The following CALN1 variants were observed in gnomAD, a reference collection of about 807,000 sequenced individuals.
CALN1 encodes calneuron 1.
A neutral mutation model predicts 30.6 loss-of-function variants in CALN1; 17 were observed. The ratio of observed to expected loss-of-function variants is 0.56; its 90% confidence interval spans 0.38 to 0.83. CALN1 has a LOEUF of 0.83. CALN1 is among the 40% of genes least tolerant of loss of function. The pLI is 0.00. For synonymous variants in CALN1, 156 were observed against 131.4 expected, an observed-to-expected ratio of 1.19 and a Z score of -1.28; for missense variants, 291 against 354.9, an observed-to-expected ratio of 0.82 and a Z score of 1.45.
chr7:72,388,371 A>G (rs915178130), intron 2 of CALN1, among the ~76,000 whole-genome samples: 2 of 152,010 alleles, frequency 1.3e-5, no homozygotes, highest in Non-Finnish European at 2.9e-5. Flanking sequence ...GAAAAATGCA[A>G]AAAAAACAAA....
the CALN1 span, among the ~76,000 whole-genome samples, chr7:72,495,451 C>A: frequency 2.6e-5 from 4 of 152,198 alleles, no homozygotes; most frequent in Non-Finnish European, 5.9e-5. Flanking sequence ...TGCACCCAAC[C>A]CACTGTGCTA....
intron 5 of CALN1, among the ~76,000 whole-genome samples, chr7:71,885,467 T>C (rs914157366): frequency 7.9e-5 from 12 of 152,222 alleles, no homozygotes; most frequent in Non-Finnish European, 1.5e-4. Flanking sequence ...TGTTATTTCT[T>C]AAATGTATTT....
chr7:72,222,485 G>A (rs543885410), intron 3 of CALN1, among the ~76,000 whole-genome samples: 31 of 152,310 alleles, frequency 2.0e-4, no homozygotes, highest in Admixed American at 2.6e-4. Flanking sequence ...CATAAGGACA[G>A]TACCAAGGAG....
At chr7:72,110,223 G>A (rs1297320865) in intron 3 of CALN1, among the ~76,000 whole-genome samples, 5 of 152,120 alleles carry the variant, frequency 3.3e-5, no homozygotes, top group East Asian at 1.9e-4. Flanking sequence ...TACATTGGGC[G>A]ACACCCCAGC....
At chr7:72,065,003 A>G (rs1355292867) in intron 4 of CALN1, among the ~76,000 whole-genome samples, 4 of 151,404 alleles carry the variant, frequency 2.6e-5, no homozygotes, top group South Asian at 2.1e-4. Context: ...GGCTATTTGT[A>G]AAATATATTA....
At chr7:72,457,120 T>C in the CALN1 span, among the ~76,000 whole-genome samples, 1 of 151,818 alleles carries the variant, frequency 6.6e-6, no homozygotes, top group African/African-American at 2.4e-5. Context: ...GCGATTCTCT[T>C]GTCTCAGCCT....
chr7:72,206,821 A>G (rs956599349), intron 3 of CALN1, among the ~76,000 whole-genome samples: 3 of 152,266 alleles, frequency 2.0e-5, no homozygotes, highest in African/African-American at 7.2e-5. Flanking sequence ...TTCAGCCTTT[A>G]ATAAGAATGG....
At chr7:71,970,363 T>C (rs1413225810) in intron 5 of CALN1, among the ~76,000 whole-genome samples, 2 of 152,228 alleles carry the variant, frequency 1.3e-5, no homozygotes, top group African/African-American at 2.4e-5. Context: ...CCTTCTGATA[T>C]GAAACTAACT....
At chr7:72,389,203 T>G (rs10950307) in intron 2 of CALN1, among the ~76,000 whole-genome samples, 2 of 151,956 alleles carry the variant, frequency 1.3e-5, no homozygotes, top group Non-Finnish European at 1.5e-5. Flanking sequence ...GGTATTCACA[T>G]CAAACACCCC....
chr7:72,368,164 TA>T (rs1803988190), intron 2 of CALN1, among the ~76,000 whole-genome samples: 1 of 151,308 alleles, frequency 6.6e-6, no homozygotes, highest in Non-Finnish European at 1.5e-5. Context: ...TGTGTATATA[TA>T]TATGTGTATA....
At chr7:72,236,555 T>C (rs968407634) in intron 3 of CALN1, among the ~76,000 whole-genome samples, 9 of 152,356 alleles carry the variant, frequency 5.9e-5, no homozygotes, top group African/African-American at 9.6e-5. Flanking sequence ...CTGCCATTCA[T>C]TGGCATGCCT....
chr7:72,342,258 C>CA (rs35193419), intron 2 of CALN1, among the ~76,000 whole-genome samples: 75,514 of 126,488 alleles, frequency 0.6, 21,700 homozygotes, highest in East Asian at 0.74. Context: ...GACTTTGTCT[C>CA]AAAAAAAAAA....
chr7:72,026,657 C>T (rs1388112115), intron 4 of CALN1, among the ~76,000 whole-genome samples: 1 of 151,976 alleles, frequency 6.6e-6, no homozygotes, highest in African/African-American at 2.4e-5. Flanking sequence ...CTCAAGTGAT[C>T]CTCCTTCCTC....
intron 3 of CALN1, among the ~76,000 whole-genome samples, chr7:72,123,053 C>T (rs1808501204): frequency 6.6e-6 from 1 of 152,150 alleles, no homozygotes; most frequent in Non-Finnish European, 1.5e-5. Flanking sequence ...AGAGAGAATT[C>T]AGAGCCAGGG....
At chr7:72,033,402 A>C (rs1801582552) in intron 4 of CALN1, among the ~76,000 whole-genome samples, 1 of 152,228 alleles carries the variant, frequency 6.6e-6, no homozygotes, top group African/African-American at 2.4e-5. Context: ...TAGTTGATGA[A>C]ATCTCCAAAG....
intron 4 of CALN1, among the ~76,000 whole-genome samples, chr7:72,076,599 G>GAA (rs1277903813): frequency 3.4e-5 from 1 of 29,420 alleles, no homozygotes; most frequent in Admixed American, 6.1e-4. Context: ...ACTCCGTCTA[G>GAA]AAAAAAAAAA....
intron 3 of CALN1, among the ~76,000 whole-genome samples, chr7:72,202,012 G>T (rs1791471641): frequency 6.6e-6 from 1 of 152,230 alleles, no homozygotes; most frequent in South Asian, 2.1e-4. Flanking sequence ...CAAAGTCTCA[G>T]TGGGAGGAGC....
intron 5 of CALN1, among the ~76,000 whole-genome samples, chr7:71,858,254 C>T (rs1038597615): frequency 4.6e-5 from 7 of 152,124 alleles, no homozygotes; most frequent in Admixed American, 6.6e-5. Context: ...TGAAGAAGGA[C>T]GTGTTTGCTT....
intron 3 of CALN1, among the ~76,000 whole-genome samples, chr7:72,249,120 C>T (rs930348715): frequency 2.0e-5 from 3 of 152,204 alleles, no homozygotes; most frequent in Admixed American, 1.3e-4. Context: ...AGAGTTCTGA[C>T]TGACCTGATT....
Sources: gnomAD v4.1 joint callset for allele counts (sites outside exome capture counted in the v4.1 genomes callset) on GRCh38, gnomAD v4.1.1 for gene constraint, MANE v1.5 for transcripts, NCBI Gene and HGNC (gene_info 2026-07-23, HGNC 2026-07-21) for gene names.